The following PDGFD variants were observed in gnomAD, a reference collection of about 807,000 sequenced individuals.
PDGFD encodes the protein platelet-derived growth factor D.
PDGFD carries 30 observed loss-of-function variants against 44.7 expected under a neutral mutation model. The ratio of observed to expected loss-of-function variants is 0.67; its 90% CI spans 0.50 to 0.91. The LOEUF is 0.91. PDGFD is among the 40% of genes least tolerant of loss of function. PDGFD has a pLI of 0.00. For missense variants in PDGFD, 445 were observed against 457.8 expected, an observed-to-expected ratio of 0.97 and a Z score of 0.25; for synonymous variants, 173 against 168.4, an observed-to-expected ratio of 1.03 and a Z score of -0.21.
intron 1 of PDGFD, among the ~76,000 whole-genome samples, chr11:104,034,189 C>T (rs973816564): frequency 6.6e-6 from 1 of 152,120 alleles, no homozygotes; most frequent in African/African-American, 2.4e-5. Context: ...CTCCTGAATA[C>T]CACTACTGTG....
intron 1 of PDGFD, among the ~76,000 whole-genome samples, chr11:104,118,857 A>ATATAATATATT (rs1565340230): frequency 1.5e-5 from 1 of 65,246 alleles, no homozygotes; most frequent in African/African-American, 6.0e-5. Flanking sequence ...TATATATTAT[A>ATATAATATATT]ATATATTATA....
intron 3 of PDGFD, among the ~76,000 whole-genome samples, chr11:103,960,062 A>T (rs1447484175): frequency 2.6e-5 from 4 of 152,208 alleles, no homozygotes; most frequent in Non-Finnish European, 5.9e-5. Context: ...GGCTTTGCAC[A>T]GCAAAATTTT....
At chr11:104,163,688 C>T (rs761217657) in intron 1 of PDGFD, 116 bp downstream of exon 1, 1 of 1,248,136 alleles carries the variant, frequency 8.0e-7, no homozygotes, top group Admixed American at 2.7e-5. Context: ...CCAAACAATG[C>T]ATTCAGCCCG....
At chr11:104,121,755 C>T (rs143371058) in intron 1 of PDGFD, among the ~76,000 whole-genome samples, 2 of 151,996 alleles carry the variant, frequency 1.3e-5, no homozygotes, top group African/African-American at 4.8e-5. Context: ...TGGAGTAGCA[C>T]TGATACAGTT....
intron 1 of PDGFD, among the ~76,000 whole-genome samples, chr11:104,109,140 T>C (rs924660749): frequency 6.6e-6 from 1 of 151,840 alleles, no homozygotes; most frequent in Non-Finnish European, 1.5e-5. Context: ...ACATGGCACA[T>C]GTATACATAT....
intron 1 of PDGFD, among the ~76,000 whole-genome samples, chr11:104,093,622 AACCCCCTC>A (rs1861242498): frequency 6.6e-6 from 1 of 151,900 alleles, no homozygotes; most frequent in Non-Finnish European, 1.5e-5. Context: ...ATACTTTTCA[AACCCCCTC>A]ACTCCCTCAC....
chr11:103,938,440 G>C lies in PDGFD; in HGVS notation c.772+5012C>G, dbSNP rs191968590. ...TGTAAATTTGTTTGAGTTCATTGTA[G>C]ATTCTGGATATTAGCCCTTTGTCAA... On this transcript the variant is annotated intron_variant, in intron 5 of 6. Coordinates refer to ENST00000393158, the MANE Select transcript of PDGFD (RefSeq NM_025208.5). Among the ~76,000 whole-genome samples, 379 of 152,264 alleles carry C rather than the reference G, an allele frequency of 2.5e-3. 1 individual carries two copies. Among genetic ancestry groups the C allele is most frequent in the Non-Finnish European group, 4.3e-3 (294 of 68,032 alleles).
intron 1 of PDGFD, among the ~76,000 whole-genome samples, chr11:104,067,866 AT>A (rs1333617593): frequency 6.6e-6 from 1 of 152,150 alleles, no homozygotes; most frequent in African/African-American, 2.4e-5. Context: ...GATAAGAAAA[AT>A]GTATTAAACC....
At chr11:104,087,079 G>A (rs1290178546) in intron 1 of PDGFD, among the ~76,000 whole-genome samples, 1 of 143,102 alleles carries the variant, frequency 7.0e-6, no homozygotes, top group Admixed American at 7.5e-5. Flanking sequence ...AGGCTGGAGT[G>A]CAGTGGCGCA....
At chr11:104,143,959 G>C (rs1862122954) in intron 1 of PDGFD, among the ~76,000 whole-genome samples, 2 of 151,316 alleles carry the variant, frequency 1.3e-5, no homozygotes, top group Admixed American at 1.3e-4. Flanking sequence ...ATTAAAGAAA[G>C]CTTCGATTGG....
chr11:104,141,495 C>T (rs1034231902), intron 1 of PDGFD, among the ~76,000 whole-genome samples: 1 of 151,550 alleles, frequency 6.6e-6, no homozygotes, highest in African/African-American at 2.4e-5. Flanking sequence ...CTCTAAGTTT[C>T]CACTTATTAG....
chr11:104,087,030 T>G (rs945377142), intron 1 of PDGFD, among the ~76,000 whole-genome samples: 3 of 118,474 alleles, frequency 2.5e-5, no homozygotes, highest in African/African-American at 1.0e-4. Flanking sequence ...TCTTTTTTTT[T>G]TTTTTTTTTT....
intron 1 of PDGFD, chr11:104,037,912 G>A (rs1486406104): frequency 1.2e-6 from 2 of 1,614,152 alleles, no homozygotes; most frequent in Non-Finnish European, 1.7e-6. Context: ...TCTTCCTGAG[G>A]GAGAGTTGCC....
chr11:103,957,979 C>G (rs1047365817), intron 3 of PDGFD, among the ~76,000 whole-genome samples: 1 of 151,852 alleles, frequency 6.6e-6, no homozygotes, highest in African/African-American at 2.4e-5. Context: ...TAGAGAAATA[C>G]TACAGTATTT....
intron 2 of PDGFD, among the ~76,000 whole-genome samples, chr11:103,998,424 C>T (rs1017082567): frequency 1.3e-5 from 2 of 152,102 alleles, no homozygotes; most frequent in South Asian, 2.1e-4. Flanking sequence ...TTTAATTAAT[C>T]GTGCCTTCAC....
At chr11:104,055,630 A>G (rs1161465808) in intron 1 of PDGFD, among the ~76,000 whole-genome samples, 1 of 152,228 alleles carries the variant, frequency 6.6e-6, no homozygotes, top group Non-Finnish European at 1.5e-5. Flanking sequence ...AAAACACACT[A>G]TTAAGGTGAC....
chr11:104,111,281 T>C (rs1375346631), intron 1 of PDGFD, among the ~76,000 whole-genome samples: 12 of 149,794 alleles, frequency 8.0e-5, no homozygotes, highest in Non-Finnish European at 1.6e-4. Flanking sequence ...TTTTTTTTTT[T>C]TAGATTTCAC....
rs528211485 is a variant in PDGFD, at chr11:104,057,939, T to G, written c.125-57684A>C. 5.2e-3 allele frequency among the ~76,000 whole-genome samples: 796 copies of G among 152,288 alleles called. 12 individuals carry two copies. The highest frequency in any genetic ancestry group is 4.5e-3 in the Non-Finnish European group (304 of 68,014). Reference sequence around the variant, plus strand: ...GCGGAAAGATTAGTTTTCAATAAATTGTGCTAGAACAACAGAGAATCCATA... The same window carrying G: ...GCGGAAAGATTAGTTTTCAATAAATGGTGCTAGAACAACAGAGAATCCATA... On this transcript the variant is annotated intron_variant, in intron 1 of 6. Transcript: ENST00000393158.
intron 3 of PDGFD, among the ~76,000 whole-genome samples, chr11:103,970,180 A>G (rs541380442): frequency 6.6e-6 from 1 of 152,232 alleles, no homozygotes; most frequent in South Asian, 2.1e-4. Context: ...CATTAGATAT[A>G]CATCCTCTTT....
Sources: gnomAD v4.1 joint callset for allele counts (sites outside exome capture counted in the v4.1 genomes callset) on GRCh38, gnomAD v4.1.1 for gene constraint, MANE v1.5 for transcripts, NCBI Gene and HGNC (gene_info 2026-07-23, HGNC 2026-07-21) for gene names.